Variants in VPS8 observed in about 807,000 individuals in gnomAD.
The protein encoded by VPS8 is vacuolar protein sorting-associated protein 8 homolog.
A neutral mutation model predicts 216.4 loss-of-function variants in VPS8; 129 were observed. The observed-to-expected ratio is 0.60, with a 90% CI of 0.52 to 0.69. The LOEUF is 0.69. Ranked by LOEUF, VPS8 falls within the 30% of genes least tolerant of loss-of-function variation. The pLI, the probability that VPS8 is intolerant of heterozygous loss-of-function variation, is 0.00. For missense variants in VPS8, 1,531 were observed against 1,683.5 expected (o/e 0.91, Z 1.59); for synonymous variants, 571 against 565.4 (o/e 1.01, Z -0.14).
At chr3:185,018,886 G>T (rs556541759) in intron 45 of VPS8, among the ~76,000 whole-genome samples, 1 of 152,232 alleles carries the variant, frequency 6.6e-6, no homozygotes. Context: ...AACAGTCACT[G>T]GGGCAACTAC....
At chr3:184,944,751 AAAGTAAAGT>A (rs1743371736) in intron 36 of VPS8, among the ~76,000 whole-genome samples, 1 of 152,220 alleles carries the variant, frequency 6.6e-6, no homozygotes, top group African/African-American at 2.4e-5. Context: ...GTCTTTAATC[AAAGTAAAGT>A]AAAAATTGAA....
At chr3:184,908,628 C>T (rs1455169119) in intron 25 of VPS8, among the ~76,000 whole-genome samples, 1 of 152,212 alleles carries the variant, frequency 6.6e-6, no homozygotes, top group East Asian at 1.9e-4. Flanking sequence ...TGCCCTTTGC[C>T]AGCGAAGGCA....
intron 13 of VPS8, 109 bp from the exon 14 acceptor site, chr3:184,855,602 A>G: frequency 1.1e-6 from 1 of 909,454 alleles, no homozygotes; most frequent in African/African-American, 1.7e-5. Context: ...GAAATTGGGG[A>G]AAGTTTTTAT....
intron 4 of VPS8, among the ~76,000 whole-genome samples, chr3:184,834,329 C>T (rs1366310284): frequency 2.0e-5 from 3 of 152,048 alleles, no homozygotes; most frequent in East Asian, 1.9e-4. Flanking sequence ...AGGTTCAAGG[C>T]GGGTTTAATA....
chr3:184,883,943 T>C lies in VPS8; in HGVS notation c.1735-2167T>C, dbSNP rs553166467. Among the ~76,000 whole-genome samples, 79 of 152,322 alleles carry C rather than the reference T, an allele frequency of 5.2e-4. No homozygotes were observed. In the Middle Eastern group the frequency reaches 0.01, roughly 20 times the overall value. On this transcript the variant is annotated intron_variant, in intron 21 of 47. Coordinates refer to ENST00000625842, the MANE Select transcript of VPS8 (RefSeq NM_001009921.3). ...GTATGGTACATTATTTAATGAAGTG[T>C]TTTCAAATTTTTTATTTTGAGCACA...
At chr3:184,917,516 A>G (rs1578232128) in intron 28 of VPS8, among the ~76,000 whole-genome samples, 1 of 151,180 alleles carries the variant, frequency 6.6e-6, no homozygotes, top group Non-Finnish European at 1.5e-5. Context: ...TGCAACCTCC[A>G]CCTCCTGGGT....
At chr3:185,043,554 C>T (rs536538407) in intron 46 of VPS8, among the ~76,000 whole-genome samples, 27 of 152,282 alleles carry the variant, frequency 1.8e-4, no homozygotes, top group East Asian at 9.6e-4. Flanking sequence ...CATTCGTGAA[C>T]GCCTAGTGTG....
rs1748457787 is a variant in VPS8 at position 184,971,811 on chromosome 3, A to T, written c.3420+59A>T. 4 of 1,440,432 alleles carry T rather than the reference A, an allele frequency of 2.8e-6. No individual in the cohort carries two copies. In the Admixed American group the frequency reaches 7.4e-5, roughly 27 times the overall value. The allele number at this position is 1,440,432 out of a possible 1,614,324, so 89.2% of individuals were successfully genotyped here. ...TGTACTTGGCCAGACATGGTGGCCC[A>T]CGTCTGTAATCCCAGCACTTTGGGA... On this transcript the variant is annotated intron_variant, in intron 40 of 47. Transcript: ENST00000625842.
chr3:185,003,082 G>C (rs1388139925), intron 45 of VPS8, among the ~76,000 whole-genome samples: 2 of 150,202 alleles, frequency 1.3e-5, no homozygotes, highest in African/African-American at 2.5e-5. Context: ...TAAAAGTGTT[G>C]CCTTTCTGCC....
intron 1 of VPS8, among the ~76,000 whole-genome samples, chr3:184,819,266 A>G (rs1373279865): frequency 1.3e-5 from 2 of 152,216 alleles, no homozygotes; most frequent in Non-Finnish European, 2.9e-5. Flanking sequence ...CTGGGTAATT[A>G]TGATTCCATG....
intron 28 of VPS8, among the ~76,000 whole-genome samples, chr3:184,917,603 A>T (rs1737833602): frequency 6.6e-6 from 1 of 152,096 alleles, no homozygotes; most frequent in African/African-American, 2.4e-5. Flanking sequence ...TAATTTTTGC[A>T]CCATGTTGGC....
intron 30 of VPS8, 28 bp downstream of exon 30, chr3:184,925,009 G>T (rs1443024695): frequency 6.2e-7 from 1 of 1,602,840 alleles, no homozygotes; most frequent in Non-Finnish European, 8.5e-7. Context: ...AAAACTAAAA[G>T]GTTTTTTCCT....
chr3:184,845,460 G>A (rs1722937613), intron 8 of VPS8, among the ~76,000 whole-genome samples: 1 of 152,038 alleles, frequency 6.6e-6, no homozygotes, highest in Admixed American at 6.6e-5. Flanking sequence ...TATAAGGATA[G>A]GACATATGAA....
chr3:185,004,508 C>T (rs545020845), intron 45 of VPS8, among the ~76,000 whole-genome samples: 10 of 139,024 alleles, frequency 7.2e-5, no homozygotes, highest in East Asian at 2.1e-4. Flanking sequence ...AGAGGGAGAC[C>T]GCGGGGAGAG....
At chr3:184,814,814 C>T (rs1484076294) in intron 1 of VPS8, among the ~76,000 whole-genome samples, 1 of 152,072 alleles carries the variant, frequency 6.6e-6, no homozygotes, top group Non-Finnish European at 1.5e-5. Context: ...TTTTCTTTCT[C>T]CAATAATAAA....
intron 37 of VPS8, among the ~76,000 whole-genome samples, chr3:184,961,322 A>C (rs1272348337): frequency 3.3e-5 from 5 of 152,200 alleles, no homozygotes; most frequent in Non-Finnish European, 7.4e-5. Flanking sequence ...AACACTCCTG[A>C]AACAGTTGCC....
chr3:184,997,836 TA>T (rs1218005581), intron 44 of VPS8, among the ~76,000 whole-genome samples: 2 of 152,064 alleles, frequency 1.3e-5, no homozygotes, highest in Non-Finnish European at 2.9e-5. Context: ...GTTACATGAA[TA>T]AAAAACAAGC....
chr3:184,939,301 C>T (rs1353189677), intron 35 of VPS8, among the ~76,000 whole-genome samples: 1 of 151,730 alleles, frequency 6.6e-6, no homozygotes, highest in African/African-American at 2.4e-5. Context: ...GAAAATCAGA[C>T]TGATAAAAAT....
chr3:184,912,945 G>T (rs1736831007), intron 25 of VPS8, among the ~76,000 whole-genome samples: 1 of 152,084 alleles, frequency 6.6e-6, no homozygotes, highest in Non-Finnish European at 1.5e-5. Context: ...TGACCCCTTG[G>T]CTTCAAACTT....
Sources: allele counts gnomAD v4.1 joint callset (sites outside exome capture counted in the v4.1 genomes callset), GRCh38; gene constraint gnomAD v4.1.1; transcripts MANE v1.5; gene names NCBI Gene and HGNC (gene_info 2026-07-23, HGNC 2026-07-21).